NR1H3: variants seen among roughly 807,000 people sequenced by gnomAD.
NR1H3 encodes the protein oxysterols receptor LXR-alpha.
In NR1H3, 19 loss-of-function variants were observed where a neutral mutation model predicts 48.1. That is an observed-to-expected ratio of 0.40 (90% CI 0.28 to 0.58). NR1H3 has a LOEUF of 0.58. Among genes scored for constraint, NR1H3 ranks in the 20% least tolerant of loss-of-function variants. The pLI is 0.50. For synonymous variants in NR1H3, 232 were observed against 227.3 expected, an observed-to-expected ratio of 1.02 and a Z score of -0.19; for missense variants, 486 against 595.9, an observed-to-expected ratio of 0.82 and a Z score of 1.92.
At chr11:47,255,537 TTCTTTTTCTTTCTTTC>T (rs1476976156), upstream of NR1H3, among the ~76,000 whole-genome samples, 1,029 of 123,986 alleles carry the variant, frequency 8.3e-3, 6 homozygotes, top group Non-Finnish European at 0.012. Context: ...CTTTCTTTCT[TTCTTTTTCTTTCTTTC>T]TTTCTTTCTT....
chr11:47,255,738 G>T (rs1299417527), upstream of NR1H3, among the ~76,000 whole-genome samples: 1 of 150,470 alleles, frequency 6.6e-6, no homozygotes, highest in African/African-American at 2.4e-5. Flanking sequence ...CGCGATCTCG[G>T]GTCATTGCAA....
At chr11:47,253,346 TAATG>T (rs996796188), upstream of NR1H3, among the ~76,000 whole-genome samples, 3 of 152,142 alleles carry the variant, frequency 2.0e-5, no homozygotes, top group African/African-American at 7.2e-5. Context: ...ATAAATGAAA[TAATG>T]CATGTAAAGA....
upstream of NR1H3, among the ~76,000 whole-genome samples, chr11:47,257,426 C>T (rs556802213): frequency 2.6e-5 from 4 of 152,310 alleles, no homozygotes; most frequent in South Asian, 4.1e-4. Context: ...CTGTGGCCCC[C>T]GCAGGGCACC....
chr11:47,261,143 AC>A, intron 4 of NR1H3, 97 bp from the exon 5 acceptor site: 1 of 662,680 alleles, frequency 1.5e-6, no homozygotes. Context: ...GCCCCAAACC[AC>A]CCCCTTTGCC....
rs138301852 is a variant in NR1H3, at chr11:47,261,364, C to T, written c.623C>T (p.Pro208Leu). 26 of 1,614,114 alleles carry T rather than the reference C, an allele frequency of 1.6e-5. No individual in the cohort carries two copies. The East Asian group carries it at 1.8e-4, about 11-fold the overall frequency. Reference protein sequence around the residue: ...SPPQILPQLSPEQLGMIEKLV... With the variant: ...SPPQILPQLSLEQLGMIEKLV... ...CCCCAAATCCTGCCCCAGCTCAGCCCGGAACAACTGGGCATGATCGAGAAG... is the reference window on the plus strand; with the variant it reads ...CCCCAAATCCTGCCCCAGCTCAGCCTGGAACAACTGGGCATGATCGAGAAG... The change falls in exon 5 of 10, where the codon CCG becomes CTG. Residue 208 changes from proline to leucine, a missense_variant. Coordinates refer to ENST00000441012, the MANE Select transcript of NR1H3 (RefSeq NM_005693.4).
intron 1 of NR1H3, chr11:47,250,416 GAAGAA>G (rs1279425295): frequency 1.3e-5 from 2 of 151,522 alleles, no homozygotes; most frequent in African/African-American, 4.8e-5. Context: ...GTCTCAAAAA[GAAGAA>G]AAGAAAAAAA....
At chr11:47,268,183 C>T (rs1957156700) in intron 8 of NR1H3, 78 bp from the exon 9 acceptor site, 8 of 1,370,114 alleles carry the variant, frequency 5.8e-6, no homozygotes, top group Non-Finnish European at 8.2e-6. Flanking sequence ...GAGCATGTCT[C>T]TATATTTTGG....
upstream of NR1H3, among the ~76,000 whole-genome samples, chr11:47,254,535 G>A (rs1954917598): frequency 6.6e-6 from 1 of 152,150 alleles, no homozygotes; most frequent in South Asian, 2.1e-4. Flanking sequence ...GGAATGGAGA[G>A]CCTTGTGCTT....
intron 4 of NR1H3, 56 bp from the exon 5 acceptor site, chr11:47,261,185 C>A: frequency 7.3e-7 from 1 of 1,373,674 alleles, no homozygotes; most frequent in Non-Finnish European, 1.0e-6. Flanking sequence ...TCCCCCACCC[C>A]CTTGCCCCAT....
chr11:47,249,515 C>G (rs535656298), intron 1 of NR1H3, among the ~76,000 whole-genome samples: 1 of 152,170 alleles, frequency 6.6e-6, no homozygotes, highest in Non-Finnish European at 1.5e-5. Flanking sequence ...GATGTTCAGA[C>G]TTTACAAACC....
In NR1H3 at chr11:47,261,261, AT is replaced by A. The variant is rs769877626; in HGVS notation, c.521del (p.Ile174ThrfsTer3). 2 of 1,612,798 alleles carry A rather than the reference AT, an allele frequency of 1.2e-6. No individual in the cohort carries two copies. Among genetic ancestry groups the A allele is most frequent in the Non-Finnish European group, 1.7e-6 (2 of 1,179,830 alleles). On this transcript the variant is annotated frameshift_variant, in exon 5 of 10. Coordinates refer to ENST00000441012, the MANE Select transcript of NR1H3 (RefSeq NM_005693.4). LOFTEE classifies it high-confidence loss of function. ...CTTAGGTGTCCTGTCAGAAGAACAG[AT>A]CCGCCTGAAGAAACTGAAGCGGCAA... ...REECVLSEEQ[I>X]RLKKLKRQEE...
chr11:47,264,213 A>G lies in NR1H3; in HGVS notation c.988+2195A>G, dbSNP rs191567661. Among the ~76,000 whole-genome samples the G allele has an allele frequency of 1.3e-3, 194 of 152,256 alleles. 2 individuals are homozygous for G. The highest frequency in any genetic ancestry group is 4.0e-4 in the Non-Finnish European group (27 of 68,020). Reference sequence around the variant, plus strand: ...CTTCAGCAGGAAACCAAGTAGCTTAACGACTGGATGAGTGGGGCTGTAAAA... The same window carrying G: ...CTTCAGCAGGAAACCAAGTAGCTTAGCGACTGGATGAGTGGGGCTGTAAAA... On this transcript the variant is annotated intron_variant, in intron 7 of 9. Transcript: ENST00000441012.
chr11:47,255,111 G>C (rs1954962240), upstream of NR1H3, among the ~76,000 whole-genome samples: 1 of 152,160 alleles, frequency 6.6e-6, no homozygotes, highest in Admixed American at 6.6e-5. Flanking sequence ...AGGGTTCTCA[G>C]CCTCTCCCCT....
rs1554984400 is a variant in NR1H3, at chr11:47,261,197, C to T, written c.500-44C>T. 3 of 1,537,640 alleles carry T rather than the reference C, an allele frequency of 2.0e-6. No individual in the cohort carries two copies. The East Asian group carries it at 6.8e-5, about 35-fold the overall frequency. ...CTTTCCCCCACCCCCTTGCCCCATCCTTTCCCCATCTGCTCCCTTCCTCAT... is the reference window on the plus strand; with the variant it reads ...CTTTCCCCCACCCCCTTGCCCCATCTTTTCCCCATCTGCTCCCTTCCTCAT... On this transcript the variant is annotated intron_variant, in intron 4 of 9. Coordinates refer to ENST00000441012, the MANE Select transcript of NR1H3 (RefSeq NM_005693.4).
chr11:47,258,157 G>A (rs931999844), intron 1 of NR1H3, 28 bp downstream of exon 1: 27 of 985,446 alleles, frequency 2.7e-5, no homozygotes, highest in Non-Finnish European at 3.1e-5. Flanking sequence ...CAGTGGCCTG[G>A]GGCTCTGTGT....
chr11:47,262,022 A>G lies in NR1H3; in HGVS notation c.988+4A>G, dbSNP rs774691640. On this transcript the variant is annotated splice_donor_region_variant and intron_variant, in intron 7 of 9. Transcript: ENST00000441012. ...CGGGAAGACTTTGCCAAAGCAGGTG[A>G]GAACTGAGATCACACAGGGATTGGG... 5.0e-6 allele frequency: 8 copies of G among 1,601,478 alleles called. No individual in the cohort carries two copies. Among genetic ancestry groups the G allele is most frequent in the Non-Finnish European group, 6.8e-6 (8 of 1,168,742 alleles).
chr11:47,256,745 T>G (rs1448579564), upstream of NR1H3, among the ~76,000 whole-genome samples: 1 of 150,858 alleles, frequency 6.6e-6, no homozygotes, highest in African/African-American at 2.4e-5. Context: ...TTTTTTTTTT[T>G]TTGGGGACAG....
chr11:47,254,756 C>G (rs1160312064), upstream of NR1H3, among the ~76,000 whole-genome samples: 2 of 152,122 alleles, frequency 1.3e-5, no homozygotes, highest in Non-Finnish European at 2.9e-5. Context: ...CCGGCCTGTT[C>G]CCCCTCTCCC....
intron 7 of NR1H3, among the ~76,000 whole-genome samples, chr11:47,265,973 A>G (rs1956424084): frequency 6.6e-6 from 1 of 152,164 alleles, no homozygotes; most frequent in African/African-American, 2.4e-5. Flanking sequence ...CATTTTACAG[A>G]TGGGAAAACC....
Sources: gnomAD v4.1 joint callset for allele counts (sites outside exome capture counted in the v4.1 genomes callset) on GRCh38, gnomAD v4.1.1 for gene constraint, MANE v1.5 for transcripts, NCBI Gene and HGNC (gene_info 2026-07-23, HGNC 2026-07-21) for gene names.